CCL28: variants seen among roughly 807,000 people sequenced by gnomAD.
CCL28 encodes C-C motif chemokine 28.
Under a neutral mutation model 7.1 loss-of-function variants are expected in CCL28, and 4 were observed. The observed-to-expected ratio is 0.56, with a 90% CI of 0.28 to 1.29. CCL28 has a LOEUF of 1.29. CCL28 is among the 50% of genes most tolerant of loss of function. CCL28 has a pLI of 0.11. For missense variants in CCL28, 151 were observed against 163.4 expected (o/e 0.92, Z 0.41); for synonymous variants, 55 against 57.8 (o/e 0.95, Z 0.22).
At chr5:43,377,716 ACTTTT>A (rs1739936682), downstream of CCL28, among the ~76,000 whole-genome samples, 1 of 45,660 alleles carries the variant, frequency 2.2e-5, no homozygotes, top group African/African-American at 1.3e-4. Context: ...TAGAACTTAA[ACTTTT>A]TTTTTTTTTT....
At chr5:43,392,241 C>T (rs1363771199) in intron 1 of CCL28, among the ~76,000 whole-genome samples, 1 of 152,148 alleles carries the variant, frequency 6.6e-6, no homozygotes, top group East Asian at 1.9e-4. Context: ...CTCAGCTGCC[C>T]ATGTAGCTGG....
intron 1 of CCL28, among the ~76,000 whole-genome samples, chr5:43,410,691 T>C (rs1254601032): frequency 6.6e-6 from 1 of 151,972 alleles, no homozygotes; most frequent in Non-Finnish European, 1.5e-5. Context: ...TGGGGACAGG[T>C]GGGAGTAGGT....
downstream of CCL28, among the ~76,000 whole-genome samples, chr5:43,378,310 C>G (rs1313025382): frequency 6.6e-6 from 1 of 151,884 alleles, no homozygotes; most frequent in African/African-American, 2.4e-5. Context: ...CAGATTGCTC[C>G]ACTGCACTCC....
intron 2 of CCL28, among the ~76,000 whole-genome samples, chr5:43,385,292 C>G (rs1431688386): frequency 3.3e-5 from 5 of 152,198 alleles, no homozygotes; most frequent in African/African-American, 9.7e-5. Context: ...AAACTGCTGT[C>G]TCAGGCATCA....
chr5:43,374,625 A>G (rs921938945), downstream of CCL28, among the ~76,000 whole-genome samples: 3 of 152,048 alleles, frequency 2.0e-5, no homozygotes, highest in African/African-American at 7.3e-5. Flanking sequence ...TACTAAAAAT[A>G]CAAAAATTAG....
At chr5:43,359,990 C>G in the CCL28 span, among the ~76,000 whole-genome samples, 1 of 152,078 alleles carries the variant, frequency 6.6e-6, no homozygotes, top group Admixed American at 6.6e-5. Context: ...CATAAAAACT[C>G]AGGATTCAGG....
chr5:43,375,187 C>A (rs1739861775), downstream of CCL28, among the ~76,000 whole-genome samples: 1 of 151,474 alleles, frequency 6.6e-6, no homozygotes, highest in Non-Finnish European at 1.5e-5. Flanking sequence ...GAAGGTGTTT[C>A]ACCATGTTGT....
At chr5:43,391,625 TG>T (rs1334251569) in intron 1 of CCL28, among the ~76,000 whole-genome samples, 1 of 152,230 alleles carries the variant, frequency 6.6e-6, no homozygotes, top group Non-Finnish European at 1.5e-5. Context: ...TTTCCATATT[TG>T]CCTTCAGTCT....
the CCL28 span, among the ~76,000 whole-genome samples, chr5:43,370,351 C>T: frequency 1.3e-5 from 2 of 151,896 alleles, no homozygotes; most frequent in Non-Finnish European, 2.9e-5. Flanking sequence ...TCTCAACAGT[C>T]TTATGAGGTC....
At chr5:43,394,623 T>G (rs1561161581) in intron 1 of CCL28, among the ~76,000 whole-genome samples, 3 of 152,206 alleles carry the variant, frequency 2.0e-5, no homozygotes, top group African/African-American at 7.2e-5. Context: ...AGAATTCTAT[T>G]GATTATTTAA....
At chr5:43,392,315 C>T (rs1178118264) in intron 1 of CCL28, among the ~76,000 whole-genome samples, 1 of 152,070 alleles carries the variant, frequency 6.6e-6, no homozygotes, top group Non-Finnish European at 1.5e-5. Context: ...CGGGGTTTCA[C>T]CATGTTGACC....
intron 1 of CCL28, among the ~76,000 whole-genome samples, chr5:43,400,037 G>A (rs972512481): frequency 2.0e-5 from 3 of 151,978 alleles, no homozygotes; most frequent in Non-Finnish European, 4.4e-5. Flanking sequence ...TGCAGAAACA[G>A]GGTGTTGTAT....
At chr5:43,388,618 C>T in intron 1 of CCL28, 142 bp from the exon 2 acceptor site, 1 of 739,656 alleles carries the variant, frequency 1.4e-6, no homozygotes, top group Non-Finnish European at 2.1e-6. Context: ...AGACTTGGGG[C>T]AGGACATGTT....
the CCL28 span, among the ~76,000 whole-genome samples, chr5:43,359,987 A>C: frequency 6.6e-6 from 1 of 151,950 alleles, no homozygotes; most frequent in African/African-American, 2.4e-5. Context: ...ATCCATAAAA[A>C]CTCAGGATTC....
chr5:43,402,796 C>T (rs1250916916), intron 1 of CCL28, among the ~76,000 whole-genome samples: 2 of 152,320 alleles, frequency 1.3e-5, no homozygotes, highest in Non-Finnish European at 2.9e-5. Flanking sequence ...CCTGGAAAAT[C>T]GGGACACTCC....
chr5:43,407,608 A>G (rs1561169296), intron 1 of CCL28, among the ~76,000 whole-genome samples: 1 of 152,258 alleles, frequency 6.6e-6, no homozygotes, highest in Non-Finnish European at 1.5e-5. Flanking sequence ...CTAAAACACC[A>G]AAAGCAATGG....
At chr5:43,407,447 A>G (rs575977243) in intron 1 of CCL28, among the ~76,000 whole-genome samples, 1 of 152,368 alleles carries the variant, frequency 6.6e-6, no homozygotes, top group South Asian at 2.1e-4. Context: ...CATATGTAGA[A>G]AGCTGAAACT....
Position 43,381,658 on chromosome 5 carries a change from C to G in CCL28, c.*202G>C. On this transcript the variant is annotated 3_prime_UTR_variant, in exon 3 of 3. Coordinates refer to ENST00000361115, the MANE Select transcript of CCL28 (RefSeq NM_148672.3). ...AAAAGGTGTGAACCACCATACCCAG[C>G]CAGTATTATCTTTTCATTTCATTTT... 1 of 518,512 alleles carries G rather than the reference C, an allele frequency of 1.9e-6. No individual in the cohort carries two copies. The highest frequency in any genetic ancestry group is 3.0e-5 in the South Asian group (1 of 33,204). The allele number at this position is 518,512 out of a possible 1,614,324, so 32.1% of individuals were successfully genotyped here.
intron 1 of CCL28, among the ~76,000 whole-genome samples, chr5:43,405,508 G>A (rs1409330777): frequency 1.3e-5 from 2 of 152,172 alleles, no homozygotes; most frequent in Non-Finnish European, 2.9e-5. Context: ...TGTGTAGGGG[G>A]AAATTTATAG....
Sources: allele counts gnomAD v4.1 joint callset (sites outside exome capture counted in the v4.1 genomes callset), GRCh38; gene constraint gnomAD v4.1.1; transcripts MANE v1.5; gene names NCBI Gene and HGNC (gene_info 2026-07-23, HGNC 2026-07-21).